Variants in ARHGEF3 observed in about 807,000 individuals in gnomAD.
The protein encoded by ARHGEF3 is Rho guanine nucleotide exchange factor 3.
In ARHGEF3, 28 loss-of-function variants were observed where a neutral mutation model predicts 63.2. The observed-to-expected ratio is 0.44, with a 90% CI of 0.33 to 0.61. ARHGEF3 has a LOEUF of 0.61. Ranked by LOEUF, ARHGEF3 falls within the 20% of genes least tolerant of loss-of-function variation. The pLI is 0.03. For synonymous variants in ARHGEF3, 266 were observed against 254.2 expected, an observed-to-expected ratio of 1.05 and a Z score of -0.44; for missense variants, 533 against 659.3, an observed-to-expected ratio of 0.81 and a Z score of 2.10.
intron 2 of ARHGEF3, among the ~76,000 whole-genome samples, chr3:57,003,441 C>G (rs1702343796): frequency 7.6e-6 from 1 of 131,840 alleles, no homozygotes; most frequent in Non-Finnish European, 1.6e-5. Context: ...AAATAACTTG[C>G]CAATATCACC....
At chr3:56,747,792 C>A (rs1419585129) in intron 6 of ARHGEF3, among the ~76,000 whole-genome samples, 1 of 152,142 alleles carries the variant, frequency 6.6e-6, no homozygotes, top group Non-Finnish European at 1.5e-5. Context: ...TCACTGCACT[C>A]CAGCCTTGGC....
Position 56,729,041 on chromosome 3 carries a change from A to G in ARHGEF3, c.*229T>C, listed in dbSNP as rs1249016149. On this transcript the variant is annotated 3_prime_UTR_variant, in exon 10 of 10. Transcript: ENST00000296315. ...TGTTTGAGTACCTCTCCATCCATCC[A>G]GACACTTGGGAAATACAACACAGGG... 4.2e-6 allele frequency: 2 copies of G among 476,276 alleles called. No homozygotes were observed. The highest frequency in any genetic ancestry group is 7.4e-6 in the Non-Finnish European group (2 of 271,360). 29.5% of individuals were successfully genotyped at this position (476,276 alleles called of 1,614,324 possible). A position where few individuals can be genotyped will look rare whatever the true frequency, so the allele number is the denominator to read the frequency against.
chr3:56,917,316 A>G (rs1231305924), intron 3 of ARHGEF3, among the ~76,000 whole-genome samples: 1 of 152,142 alleles, frequency 6.6e-6, no homozygotes. Context: ...TATTTATTTT[A>G]GTTATCTAAT....
intron 4 of ARHGEF3, among the ~76,000 whole-genome samples, chr3:56,813,026 C>T (rs534764850): frequency 6.6e-6 from 1 of 152,302 alleles, no homozygotes; most frequent in African/African-American, 2.4e-5. Flanking sequence ...CCCAGTGCTG[C>T]CTGCAGGCTC....
intron 3 of ARHGEF3, among the ~76,000 whole-genome samples, chr3:56,912,252 A>G (rs1456438230): frequency 6.6e-6 from 1 of 152,188 alleles, no homozygotes; most frequent in African/African-American, 2.4e-5. Context: ...AAGTGGGGAA[A>G]CTGAGTCCAG....
At chr3:56,912,955 T>C (rs910802173) in intron 3 of ARHGEF3, among the ~76,000 whole-genome samples, 7 of 152,080 alleles carry the variant, frequency 4.6e-5, no homozygotes, top group South Asian at 4.1e-4. Flanking sequence ...CTGGGCAACA[T>C]TGCAATACCT....
intron 3 of ARHGEF3, among the ~76,000 whole-genome samples, chr3:56,885,331 G>A (rs1395798604): frequency 2.0e-5 from 3 of 152,144 alleles, no homozygotes. Context: ...AGGGTGTTGT[G>A]AGGATCATAG....
chr3:57,050,854 G>A (rs1484301642), intron 1 of ARHGEF3, among the ~76,000 whole-genome samples: 1 of 152,142 alleles, frequency 6.6e-6, no homozygotes, highest in East Asian at 1.9e-4. Flanking sequence ...TTTTAAATCT[G>A]CATGTCTGTG....
chr3:57,075,906 C>A (rs1706198451), intron 1 of ARHGEF3, among the ~76,000 whole-genome samples: 1 of 152,186 alleles, frequency 6.6e-6, no homozygotes, highest in Non-Finnish European at 1.5e-5. Context: ...TGTCACCAAA[C>A]CTCTCCACAG....
intron 1 of ARHGEF3, chr3:57,079,042 G>GA: frequency 2.9e-6 from 1 of 340,104 alleles, no homozygotes. Flanking sequence ...CGGGGACGCC[G>GA]AGACCTAGCA....
chr3:56,967,509 A>AT (rs1700596294), intron 2 of ARHGEF3, among the ~76,000 whole-genome samples: 3 of 88,506 alleles, frequency 3.4e-5, no homozygotes, highest in Non-Finnish European at 5.8e-5. Flanking sequence ...TACATAATAT[A>AT]TAATATAATA....
rs2037675914 is a variant in ARHGEF3 at position 56,801,920 on chromosome 3, A to G, written c.-122T>C. ...CGGCGGCGGCGACACGGAGACCGACAGCCGGCTTCTAGCCGGGCAGGACTC... is the reference window on the plus strand; with the variant it reads ...CGGCGGCGGCGACACGGAGACCGACGGCCGGCTTCTAGCCGGGCAGGACTC... On this transcript the variant is annotated 5_prime_UTR_variant, in exon 1 of 10. Coordinates refer to ENST00000296315, the MANE Select transcript of ARHGEF3 (RefSeq NM_019555.3). The G allele has an allele frequency of 2.0e-6, 3 of 1,507,920 alleles. No individual in the cohort carries two copies. Among genetic ancestry groups the G allele is most frequent in the Non-Finnish European group, 2.7e-6 (3 of 1,125,238 alleles). The allele number at this position is 1,507,920 out of a possible 1,614,324, so 93.4% of individuals were successfully genotyped here.
chr3:56,857,952 T>C (rs1054619944), intron 4 of ARHGEF3, among the ~76,000 whole-genome samples: 2 of 152,098 alleles, frequency 1.3e-5, no homozygotes, highest in South Asian at 2.1e-4. Flanking sequence ...ACAAATTACA[T>C]TTTGAAAGTT....
chr3:57,042,863 G>A lies in ARHGEF3; in HGVS notation c.-27-7687C>T, dbSNP rs571482524. ...AGGCGCCCGCCACCATGCTCAGCTA[G>A]TTTTTTTGTATTTTCAGTACAGACG... On this transcript the variant is annotated intron_variant, in intron 1 of 12. Transcript: ENST00000338458. Among the ~76,000 whole-genome samples, 7 of 150,058 alleles carry A rather than the reference G, an allele frequency of 4.7e-5. No homozygotes were observed. The South Asian group carries it at 1.5e-3, about 32-fold the overall frequency.
chr3:56,755,335 G>A (rs2035005522), intron 2 of ARHGEF3, among the ~76,000 whole-genome samples, 184 bp from the exon 3 acceptor site: 1 of 152,186 alleles, frequency 6.6e-6, no homozygotes, highest in Non-Finnish European at 1.5e-5. Context: ...TTGGACAGGG[G>A]GCTGCTTTGG....
intron 4 of ARHGEF3, among the ~76,000 whole-genome samples, chr3:56,822,204 C>T (rs1439098900): frequency 6.6e-6 from 1 of 152,146 alleles, no homozygotes; most frequent in Non-Finnish European, 1.5e-5. Context: ...CTGAACAACC[C>T]TTTCAGGAAA....
rs532889405 is a variant in ARHGEF3 at position 56,969,019 on chromosome 3, A to G, written c.63-10130T>C. On this transcript the variant is annotated intron_variant, in intron 2 of 12. Transcript: ENST00000338458. The stretch of plus-strand genomic sequence containing the variant: ...CCTGCTAAAAACGACGCATTCTCCA[A>G]AAGGATGTTAGTGTCCATCTGAATT... Among the ~76,000 whole-genome samples the G allele has an allele frequency of 7.2e-5, 11 of 152,348 alleles. No homozygotes were observed. The South Asian group carries it at 2.3e-3, about 32-fold the overall frequency.
intron 2 of ARHGEF3, among the ~76,000 whole-genome samples, chr3:56,971,529 C>A (rs1700911118): frequency 6.6e-6 from 1 of 152,124 alleles, no homozygotes; most frequent in African/African-American, 2.4e-5. Context: ...CAGGCCCCAA[C>A]ATGACCCTTT....
chr3:56,898,578 C>T, intron 3 of ARHGEF3: 1 of 265,122 alleles, frequency 3.8e-6, no homozygotes, highest in Non-Finnish European at 8.4e-6. Flanking sequence ...TCCCCTAAAG[C>T]AGATCCTGGA....
Sources: gnomAD v4.1 joint callset for allele counts (sites outside exome capture counted in the v4.1 genomes callset) on GRCh38, gnomAD v4.1.1 for gene constraint, MANE v1.5 for transcripts, NCBI Gene and HGNC (gene_info 2026-07-23, HGNC 2026-07-21) for gene names.